NRXN3: variants seen among roughly 807,000 people sequenced by gnomAD.
NRXN3 encodes the protein neurexin 3.
In NRXN3, 32 loss-of-function variants were observed where a neutral mutation model predicts 137.6. The ratio of observed to expected loss-of-function variants is 0.23; its 90% confidence interval spans 0.18 to 0.31. The LOEUF (loss-of-function observed/expected upper bound fraction) is 0.31, where lower values mean the gene tolerates loss of function less well. Ranked by LOEUF, NRXN3 falls within the 10% of genes least tolerant of loss-of-function variation. The probability of loss-of-function intolerance (pLI) is 1.00; values close to 1 mark genes in which losing one functional copy is unlikely to be tolerated. For synonymous variants in NRXN3, 798 were observed against 784.5 expected (o/e 1.02, Z -0.29); for missense variants, 1,574 against 2,062.5 (o/e 0.76, Z 4.59).
intron 20 of NRXN3, among the ~76,000 whole-genome samples, chr14:79,814,229 T>G (rs1380458827): frequency 3.3e-5 from 5 of 152,270 alleles, no homozygotes; most frequent in African/African-American, 4.8e-5. Context: ...TTTGTTCTTG[T>G]GTTTTCTTTT....
chr14:79,652,170 C>CACAA (rs1213685230), intron 16 of NRXN3, among the ~76,000 whole-genome samples: 1 of 152,142 alleles, frequency 6.6e-6, no homozygotes, highest in Non-Finnish European at 1.5e-5. Context: ...TTTATTCAAA[C>CACAA]ACAAACACAC....
intron 8 of NRXN3, among the ~76,000 whole-genome samples, chr14:78,791,726 G>T (rs2098805616): frequency 6.6e-6 from 1 of 152,036 alleles, no homozygotes; most frequent in South Asian, 2.1e-4. Context: ...AACCAGGCAG[G>T]GTGACTTCTG....
intron 16 of NRXN3, among the ~76,000 whole-genome samples, chr14:79,492,852 C>T (rs1567278907): frequency 2.6e-5 from 4 of 152,262 alleles, no homozygotes; most frequent in South Asian, 4.1e-4. Context: ...TCAATTCTAC[C>T]GTGATCTACT....
chr14:78,777,877 C>T (rs1394103332), intron 8 of NRXN3, among the ~76,000 whole-genome samples: 2 of 152,134 alleles, frequency 1.3e-5, no homozygotes, highest in Admixed American at 6.5e-5. Context: ...ATCCTCTCAC[C>T]TTAGCATCCC....
At position 78,589,973 on chromosome 14, in the gene NRXN3, A is replaced by AAAAC. The variant is rs869260100; in HGVS notation, c.758-55127_758-55124dup. Among the ~76,000 whole-genome samples, 12 of 150,660 alleles carry AAAAC rather than the reference A, an allele frequency of 8.0e-5. No homozygotes were observed. In the South Asian group the frequency reaches 1.0e-3, roughly 13 times the overall value. On this transcript the variant is annotated intron_variant, in intron 4 of 20. Coordinates refer to ENST00000335750, the MANE Select transcript of NRXN3 (RefSeq NM_001330195.2). ...ACTCCGTTTGAAACAAACAAACAAA[A>AAAAC]AAACAAACAAACAAACAAACAAAAA...
chr14:78,742,972 A>G (rs1462526341), intron 8 of NRXN3, among the ~76,000 whole-genome samples: 2 of 152,206 alleles, frequency 1.3e-5, no homozygotes, highest in East Asian at 3.8e-4. Flanking sequence ...ATTATTAATC[A>G]TAATCACTTT....
intron 16 of NRXN3, among the ~76,000 whole-genome samples, chr14:79,662,929 A>G (rs528611958): frequency 9.9e-5 from 15 of 152,234 alleles, no homozygotes; most frequent in African/African-American, 3.6e-4. Context: ...ACAACTGAAC[A>G]GGAGATTTGG....
chr14:78,836,046 A>T (rs2098995836), intron 10 of NRXN3, among the ~76,000 whole-genome samples: 1 of 152,182 alleles, frequency 6.6e-6, no homozygotes, highest in South Asian at 2.1e-4. Flanking sequence ...TGTCAAGCTT[A>T]TTATCTTGCT....
At chr14:79,177,948 GT>G (rs1207415397) in intron 15 of NRXN3, among the ~76,000 whole-genome samples, 10 of 152,192 alleles carry the variant, frequency 6.6e-5, no homozygotes, top group Non-Finnish European at 1.3e-4. Context: ...TTACTAATTT[GT>G]TTGAAGAATA....
intron 15 of NRXN3, among the ~76,000 whole-genome samples, chr14:79,174,245 G>A (rs2062072783): frequency 6.6e-6 from 1 of 152,052 alleles, no homozygotes; most frequent in South Asian, 2.1e-4. Flanking sequence ...AGAAAAATTG[G>A]TGATAAATAT....
At chr14:79,768,873 GAA>G (rs1390455488) in intron 19 of NRXN3, among the ~76,000 whole-genome samples, 2 of 151,120 alleles carry the variant, frequency 1.3e-5, no homozygotes, top group Non-Finnish European at 3.0e-5. Flanking sequence ...TGAAAACTTT[GAA>G]AAAAATTTAG....
intron 5 of NRXN3, among the ~76,000 whole-genome samples, chr14:78,645,819 A>G (rs188112418): frequency 2.6e-5 from 4 of 152,106 alleles, no homozygotes; most frequent in Admixed American, 6.5e-5. Flanking sequence ...CATTCTTTGA[A>G]TATATGTTTT....
At chr14:79,796,855 C>T (rs1341964096) in intron 19 of NRXN3, among the ~76,000 whole-genome samples, 1 of 152,120 alleles carries the variant, frequency 6.6e-6, no homozygotes, top group South Asian at 2.1e-4. Context: ...AGTCTGCTGT[C>T]TTTAGTGACA....
At chr14:79,388,257 C>T (rs1029577870) in intron 15 of NRXN3, among the ~76,000 whole-genome samples, 3 of 152,012 alleles carry the variant, frequency 2.0e-5, no homozygotes, top group Non-Finnish European at 4.4e-5. Flanking sequence ...GAGCAGATGC[C>T]AGCATCATGT....
intron 15 of NRXN3, among the ~76,000 whole-genome samples, chr14:79,309,730 C>A (rs895627750): frequency 6.8e-5 from 10 of 147,940 alleles, no homozygotes; most frequent in Non-Finnish European, 1.0e-4. Context: ...TAAATGTCTT[C>A]TTTTGAGAAG....
chr14:78,578,081 G>A (rs2096954959), intron 4 of NRXN3, among the ~76,000 whole-genome samples: 1 of 152,060 alleles, frequency 6.6e-6, no homozygotes, highest in Admixed American at 6.6e-5. Flanking sequence ...TGTAATATCT[G>A]TATGCATAAA....
chr14:79,524,513 T>A (rs1238931375), intron 16 of NRXN3, among the ~76,000 whole-genome samples: 1 of 152,122 alleles, frequency 6.6e-6, no homozygotes, highest in Non-Finnish European at 1.5e-5. Flanking sequence ...AATAAAGAAA[T>A]CAAAGATCAT....
intron 19 of NRXN3, among the ~76,000 whole-genome samples, chr14:79,801,069 A>C (rs752745052): frequency 3.3e-5 from 5 of 152,174 alleles, no homozygotes; most frequent in Non-Finnish European, 5.9e-5. Flanking sequence ...GTTCTTGAGG[A>C]AAACATTGGT....
At chr14:78,813,026 T>C (rs1159232143) in intron 10 of NRXN3, among the ~76,000 whole-genome samples, 1 of 756 alleles carries the variant, frequency 1.3e-3, no homozygotes, top group African/African-American at 1.5e-3. Context: ...GTAAATATAA[T>C]ACATTTTTTT....
Sources: gnomAD v4.1 joint callset for allele counts (sites outside exome capture counted in the v4.1 genomes callset) on GRCh38, gnomAD v4.1.1 for gene constraint, MANE v1.5 for transcripts, NCBI Gene and HGNC (gene_info 2026-07-23, HGNC 2026-07-21) for gene names.